LINGO1: variants seen among roughly 807,000 people sequenced by gnomAD.
The protein encoded by LINGO1 is leucine-rich repeat and immunoglobulin-like domain-containing nogo receptor-interacting protein 1.
In LINGO1, 11 loss-of-function variants were observed where a neutral mutation model predicts 37.3. That is an observed-to-expected ratio of 0.29 (90% CI 0.19 to 0.49). The LOEUF is 0.49. Among genes scored for constraint, LINGO1 ranks in the 20% least tolerant of loss-of-function variants. The pLI is 0.99. For missense variants in LINGO1, 585 were observed against 878.2 expected (o/e 0.67, Z 4.22); for synonymous variants, 387 against 403.0 (o/e 0.96, Z 0.48).
At chr15:77,795,266 C>T (rs1486627554) in intron 2 of LINGO1, among the ~76,000 whole-genome samples, 2 of 152,192 alleles carry the variant, frequency 1.3e-5, no homozygotes, top group Non-Finnish European at 2.9e-5. Flanking sequence ...TCTCCCACTT[C>T]TCTGGAACAT....
intron 2 of LINGO1, among the ~76,000 whole-genome samples, chr15:77,681,741 G>GA (rs2075417045): frequency 6.6e-6 from 1 of 152,144 alleles, no homozygotes; most frequent in Non-Finnish European, 1.5e-5. Flanking sequence ...GCTGGCACAG[G>GA]AATGAGGGGA....
At chr15:77,706,354 C>T (rs936981287) in intron 2 of LINGO1, among the ~76,000 whole-genome samples, 1 of 152,232 alleles carries the variant, frequency 6.6e-6, no homozygotes, top group African/African-American at 2.4e-5. Flanking sequence ...TCCCTCTGCT[C>T]TTCATCCAGC....
intron 3 of LINGO1, among the ~76,000 whole-genome samples, chr15:77,662,526 C>T (rs998823919): frequency 2.1e-4 from 32 of 152,100 alleles, no homozygotes; most frequent in African/African-American, 7.5e-4. Context: ...CCTTTCCAGC[C>T]CCCTCTAACT....
intron 1 of LINGO1, among the ~76,000 whole-genome samples, chr15:77,746,169 C>T (rs2076312349): frequency 6.8e-6 from 1 of 147,728 alleles, no homozygotes; most frequent in Non-Finnish European, 1.5e-5. Context: ...GTTCATGCCA[C>T]TGCACTCTAG....
rs2073827621 is a variant in LINGO1 at position 77,618,834 on chromosome 15, A to AC, written c.7-2935_7-2934insG. Among the ~76,000 whole-genome samples the AC allele has an allele frequency of 5.3e-5, 6 of 114,046 alleles. 3 individuals carry two copies. Among genetic ancestry groups the AC allele is most frequent in the Non-Finnish European group, 7.2e-5 (4 of 55,420 alleles). The allele number at this position is 114,046 out of a possible 152,430, so 74.8% of individuals were successfully genotyped here. ...ATGGCCTCGATCTCCTGACCTCGTGATCCGCCCGCCTCGGCCTCCCAAAGT... is the reference window on the plus strand; with the variant it reads ...ATGGCCTCGATCTCCTGACCTCGTGACTCCGCCCGCCTCGGCCTCCCAAAGT... On this transcript the variant is annotated intron_variant, in intron 1 of 1. Coordinates refer to ENST00000355300, the MANE Select transcript of LINGO1 (RefSeq NM_032808.7).
intron 2 of LINGO1, among the ~76,000 whole-genome samples, chr15:77,678,358 C>A (rs180890867): frequency 4.8e-4 from 73 of 152,328 alleles, no homozygotes; most frequent in Middle Eastern, 3.4e-3. Context: ...CTACCCCTGG[C>A]AACCACTGAT....
chr15:77,775,191 C>T (rs1418803913), intron 1 of LINGO1, among the ~76,000 whole-genome samples: 1 of 152,146 alleles, frequency 6.6e-6, no homozygotes, highest in African/African-American at 2.4e-5. Flanking sequence ...TCTCCTTGGC[C>T]ATGGCCTTCA....
At chr15:77,705,174 GACACACACACACACACACACAC>G (rs72451354) in intron 2 of LINGO1, among the ~76,000 whole-genome samples, 1 of 99,090 alleles carries the variant, frequency 1.0e-5, no homozygotes, top group African/African-American at 3.8e-5. Flanking sequence ...CCCCTGCCAT[GACACACACACACACACACACAC>G]ACACACACAC....
upstream of LINGO1, among the ~76,000 whole-genome samples, chr15:77,787,566 G>A (rs1222642103): frequency 2.7e-5 from 4 of 150,778 alleles, no homozygotes; most frequent in African/African-American, 7.3e-5. Context: ...CTTCAGGGCT[G>A]TGGGGGGTGG....
intron 1 of LINGO1, among the ~76,000 whole-genome samples, chr15:77,631,460 G>C (rs2141075414): frequency 6.6e-6 from 1 of 152,330 alleles, no homozygotes; most frequent in Non-Finnish European, 1.5e-5. Context: ...GGAACCGGGA[G>C]GGGCTGCCCA....
Position 77,614,017 on chromosome 15 carries a change from C to CG in LINGO1, c.*26dup, listed in dbSNP as rs1467945936. The CG allele has an allele frequency of 1.1e-5, 17 of 1,539,486 alleles. No individual in the cohort carries two copies. Among genetic ancestry groups the CG allele is most frequent in the Non-Finnish European group, 1.5e-5 (17 of 1,140,398 alleles). On this transcript the variant is annotated 3_prime_UTR_variant, in exon 2 of 2. Coordinates refer to ENST00000355300, the MANE Select transcript of LINGO1 (RefSeq NM_032808.7). Reference sequence around the variant, plus strand: ...AGGCCCCTTCCCCTGCCCGGCCGCCCGGGGGTCCCTGCCCCCCGCCCCGGC... The same window carrying CG: ...AGGCCCCTTCCCCTGCCCGGCCGCCCGGGGGGTCCCTGCCCCCCGCCCCGGC...
Position 77,614,239 on chromosome 15 carries a change from G to A in LINGO1, c.1668C>T (p.Thr556=), listed in dbSNP as rs200917454. 195 of 1,614,038 alleles carry A rather than the reference G, an allele frequency of 1.2e-4. No homozygotes were observed. In the Middle Eastern group the frequency reaches 1.5e-3, roughly 12 times the overall value. The change falls in exon 2 of 2, where the codon ACC becomes ACT. Residue 556 remains threonine (T), a synonymous_variant. Coordinates refer to ENST00000355300, the MANE Select transcript of LINGO1 (RefSeq NM_032808.7). Reference sequence around the variant, plus strand: ...AGCCCATGGTGGTGGCGATGATGAGGGTCTTGATGTCGAAGGGGAAAGGCA... The same window carrying A: ...AGCCCATGGTGGTGGCGATGATGAGAGTCTTGATGTCGAAGGGGAAAGGCA... The part of the protein sequence containing the change: ...ATVPFPFDIK[T]LIIATTMGFI...
At chr15:77,757,866 A>T (rs1029939899) in intron 1 of LINGO1, among the ~76,000 whole-genome samples, 4 of 152,126 alleles carry the variant, frequency 2.6e-5, no homozygotes, top group Non-Finnish European at 5.9e-5. Flanking sequence ...AAGGAGCCCA[A>T]CCTCCGGCTC....
At chr15:77,716,579 C>T (rs1180754007) in intron 2 of LINGO1, among the ~76,000 whole-genome samples, 1 of 150,094 alleles carries the variant, frequency 6.7e-6, no homozygotes, top group African/African-American at 2.4e-5. Flanking sequence ...GTCTATGCAG[C>T]ATTAGTAACA....
chr15:77,704,253 C>T (rs1401516328), intron 2 of LINGO1, among the ~76,000 whole-genome samples: 1 of 152,156 alleles, frequency 6.6e-6, no homozygotes, highest in Non-Finnish European at 1.5e-5. Flanking sequence ...ATGGGAGAGA[C>T]AAGCAGAGAG....
At chr15:77,756,321 T>G (rs2076418391) in intron 1 of LINGO1, among the ~76,000 whole-genome samples, 1 of 152,114 alleles carries the variant, frequency 6.6e-6, no homozygotes, top group African/African-American at 2.4e-5. Flanking sequence ...CCAAAAAAGC[T>G]CGGACATTTT....
chr15:77,637,182 C>G (rs2074413176), upstream of LINGO1, among the ~76,000 whole-genome samples: 1 of 152,224 alleles, frequency 6.6e-6, no homozygotes. This position sits in a 1 kb window ranked among gnomAD's most constrained non-coding sequence, Gnocchi z 4.6. Flanking sequence ...GGGGAAGGCA[C>G]AGGGGCTCAC....
chr15:77,632,521 G>A lies in LINGO1; in HGVS notation c.-206C>T, dbSNP rs2074289806. The A allele has an allele frequency of 8.4e-6, 3 of 359,038 alleles. No homozygotes were observed. In the South Asian group the frequency reaches 4.0e-4, roughly 48 times the overall value. 22.2% of individuals were successfully genotyped at this position (359,038 alleles called of 1,614,324 possible). ...GGAGCCGAGCCGGAGCCGGGGCCGG[G>A]GCTCGGGAGTGGGGAGGCGGGAGGC... On this transcript the variant is annotated 5_prime_UTR_variant, in exon 1 of 2. Coordinates refer to ENST00000355300, the MANE Select transcript of LINGO1 (RefSeq NM_032808.7). This position sits in a 1 kb window ranked among gnomAD's most constrained non-coding sequence, Gnocchi z 6.0.
chr15:77,806,498 G>C (rs1184589298), intron 1 of LINGO1, among the ~76,000 whole-genome samples: 1 of 152,134 alleles, frequency 6.6e-6, no homozygotes, highest in Non-Finnish European at 1.5e-5. Flanking sequence ...GGGCGAGCTT[G>C]ACCTACATCT....
Sources: allele counts gnomAD v4.1 joint callset (sites outside exome capture counted in the v4.1 genomes callset), GRCh38; gene constraint gnomAD v4.1.1; non-coding constraint Gnocchi (gnomAD v3.1); transcripts MANE v1.5; gene names NCBI Gene and HGNC (gene_info 2026-07-23, HGNC 2026-07-21).